CSMD3: variants seen among roughly 807,000 people sequenced by gnomAD.
CSMD3 encodes the protein CUB and Sushi multiple domains 3, also known as CUB and sushi domain-containing protein 3.
A neutral mutation model predicts 435.2 loss-of-function variants in CSMD3; 177 were observed. The ratio of observed to expected loss-of-function variants is 0.41; its 90% confidence interval spans 0.36 to 0.46. CSMD3 has a LOEUF of 0.46. Among genes scored for constraint, CSMD3 ranks in the 20% least tolerant of loss-of-function variants. The pLI is 0.34. For synonymous variants in CSMD3, 1,656 were observed against 1,520.5 expected, an observed-to-expected ratio of 1.09 and a Z score of -2.07; for missense variants, 4,265 against 4,504.6, an observed-to-expected ratio of 0.95 and a Z score of 1.52.
chr8:112,403,335 A>T (rs1388319768), intron 35 of CSMD3, among the ~76,000 whole-genome samples: 1 of 152,192 alleles, frequency 6.6e-6, no homozygotes, highest in Non-Finnish European at 1.5e-5. Flanking sequence ...CAGTTTATTC[A>T]TCTGTACATT....
At chr8:112,919,488 T>C (rs2082671816) in intron 10 of CSMD3, among the ~76,000 whole-genome samples, 1 of 151,924 alleles carries the variant, frequency 6.6e-6, no homozygotes, top group African/African-American at 2.4e-5. Context: ...TTACTTTATG[T>C]AGATCTTAAA....
chr8:113,391,495 T>A (rs2133154906), intron 1 of CSMD3, among the ~76,000 whole-genome samples: 1 of 152,158 alleles, frequency 6.6e-6, no homozygotes, highest in South Asian at 2.1e-4. Flanking sequence ...ATGTCATAAC[T>A]GTGACAATGC....
chr8:112,985,533 G>A (rs563888866), intron 6 of CSMD3, among the ~76,000 whole-genome samples: 66 of 152,202 alleles, frequency 4.3e-4, no homozygotes, highest in African/African-American at 1.5e-3. Context: ...TGGACTACAG[G>A]AGGGGTCACC....
intron 41 of CSMD3, 34 bp downstream of exon 41, chr8:112,346,063 T>C (rs1435406489): frequency 9.3e-7 from 1 of 1,069,876 alleles, no homozygotes. Context: ...TAATAAATAT[T>C]GAAAGCTCTT....
At chr8:113,218,269 T>G (rs146663276) in intron 3 of CSMD3, among the ~76,000 whole-genome samples, 2 of 150,976 alleles carry the variant, frequency 1.3e-5, no homozygotes, top group African/African-American at 4.8e-5. Context: ...AACTCAGATG[T>G]AACTGAAGGA....
intron 1 of CSMD3, among the ~76,000 whole-genome samples, chr8:113,435,427 C>T (rs780823902): frequency 1.5e-4 from 23 of 152,132 alleles, no homozygotes; most frequent in Non-Finnish European, 3.2e-4. Context: ...TTATCATTTC[C>T]ACTGAATGCA....
intron 27 of CSMD3, among the ~76,000 whole-genome samples, chr8:112,544,896 T>C (rs1827010745): frequency 6.6e-6 from 1 of 152,164 alleles, no homozygotes. Flanking sequence ...GCCATAAAGG[T>C]CTATTGCAAG....
intron 1 of CSMD3, among the ~76,000 whole-genome samples, chr8:113,338,266 T>C (rs1404831351): frequency 2.6e-5 from 4 of 151,816 alleles, no homozygotes; most frequent in Non-Finnish European, 1.5e-5. Context: ...TTGTCAAAGA[T>C]ATGATAGAAT....
At chr8:113,163,963 G>A (rs1176851676) in intron 4 of CSMD3, among the ~76,000 whole-genome samples, 3 of 151,940 alleles carry the variant, frequency 2.0e-5, no homozygotes, top group East Asian at 1.9e-4. Flanking sequence ...AAATTATACT[G>A]TGCCTTCTTT....
chr8:113,420,784 C>A (rs1032854983), intron 1 of CSMD3, among the ~76,000 whole-genome samples: 2 of 151,788 alleles, frequency 1.3e-5, no homozygotes, highest in Non-Finnish European at 2.9e-5. Flanking sequence ...CTCATCTCTA[C>A]TAAAAAATAA....
At chr8:112,876,713 T>C (rs574681470) in intron 10 of CSMD3, among the ~76,000 whole-genome samples, 119 of 152,242 alleles carry the variant, frequency 7.8e-4, no homozygotes, top group Non-Finnish European at 1.4e-3. Context: ...AAGGATGCCC[T>C]CTCTCACTAC....
chr8:112,926,672 T>C (rs2130672699), intron 9 of CSMD3, among the ~76,000 whole-genome samples: 1 of 152,176 alleles, frequency 6.6e-6, no homozygotes, highest in South Asian at 2.1e-4. Context: ...ATTTTACCTG[T>C]GTTGGCCCAA....
At chr8:113,245,421 GTTA>G (rs1324350825) in intron 3 of CSMD3, among the ~76,000 whole-genome samples, 5 of 151,370 alleles carry the variant, frequency 3.3e-5, no homozygotes, top group Non-Finnish European at 5.9e-5. Flanking sequence ...TTTATATTGA[GTTA>G]TTCTCTTAGA....
chr8:112,392,461 T>G (rs1174402959), intron 35 of CSMD3, among the ~76,000 whole-genome samples: 1 of 152,098 alleles, frequency 6.6e-6, no homozygotes, highest in Non-Finnish European at 1.5e-5. Flanking sequence ...CAAAATTAAT[T>G]TAGCTAATTT....
At chr8:112,598,792 G>A (rs1414023673) in intron 22 of CSMD3, among the ~76,000 whole-genome samples, 3 of 152,076 alleles carry the variant, frequency 2.0e-5, no homozygotes, top group Non-Finnish European at 4.4e-5. Context: ...TTAATAAATG[G>A]TGCTGGGAAA....
intron 32 of CSMD3, among the ~76,000 whole-genome samples, chr8:112,441,735 G>A (rs575667161): frequency 1.3e-5 from 2 of 152,246 alleles, no homozygotes; most frequent in East Asian, 3.9e-4. Flanking sequence ...TCAGAGTGAA[G>A]GGGGAAAAGG....
chr8:112,782,933 G>C (rs186411344), intron 13 of CSMD3, among the ~76,000 whole-genome samples: 101 of 152,106 alleles, frequency 6.6e-4, no homozygotes, highest in Non-Finnish European at 3.5e-4. Context: ...TGTCCTATAA[G>C]AAACGCTTAA....
At chr8:112,699,764 T>C (rs1224704263) in intron 13 of CSMD3, among the ~76,000 whole-genome samples, 6 of 152,150 alleles carry the variant, frequency 3.9e-5, no homozygotes, top group Admixed American at 2.0e-4. Context: ...TGCCTGGATA[T>C]GGGAAAATAT....
At position 112,975,863 on chromosome 8, in the gene CSMD3, T is replaced by C. The variant is rs754912247; in HGVS notation, c.1316A>G (p.Lys439Arg). Residue 439 changes from lysine to arginine, a missense_variant, in exon 7 of 71, where the codon AAA becomes AGA. By Grantham distance (26) the Lys-to-Arg change is conservative. This residue lies in a region of CSMD3 where 731 missense variants were observed against 755.4 expected (regional missense o/e 0.97). Transcript: ENST00000297405. Reference protein sequence around the residue: ...PRHAEQIERTKELAVVTHRVK... With the variant: ...PRHAEQIERTRELAVVTHRVK... ...TCTATGAGTAACAACTGCAAGCTCT[T>C]TAGTTCTTTCTATCTGTTCAGCATG... The C allele has an allele frequency of 6.2e-7, 1 of 1,613,630 alleles. No homozygotes were observed. Among genetic ancestry groups the C allele is most frequent in the Non-Finnish European group, 8.5e-7 (1 of 1,179,852 alleles).
Sources: gnomAD v4.1 joint callset for allele counts (sites outside exome capture counted in the v4.1 genomes callset) on GRCh38, gnomAD v4.1.1 for gene constraint, gnomAD v4.1.1 regional missense constraint, MANE v1.5 for transcripts, NCBI Gene and HGNC (gene_info 2026-07-23, HGNC 2026-07-21) for gene names.